Variants in AUTS2 observed in about 807,000 individuals in gnomAD.
AUTS2 encodes the protein activator of transcription and developmental regulator AUTS2, also known as autism susceptibility gene 2 protein.
Under a neutral mutation model 112.4 loss-of-function variants are expected in AUTS2, and 17 were observed. The observed-to-expected ratio is 0.15, with a 90% CI of 0.10 to 0.23. AUTS2 has a LOEUF of 0.23. Among genes scored for constraint, AUTS2 ranks in the 10% least tolerant of loss-of-function variants. AUTS2 has a pLI of 1.00. For synonymous variants in AUTS2, 751 were observed against 702.7 expected, an observed-to-expected ratio of 1.07 and a Z score of -1.09; for missense variants, 1,510 against 1,701.6, an observed-to-expected ratio of 0.89 and a Z score of 1.98.
In AUTS2 at chr7:70,287,182, A is replaced by G. The variant is rs185437939; in HGVS notation, c.661-148570A>G. ...TTCGCTGGATCTCTGTATCTCTTCA[A>G]CTGTGGTGAGTTTCATGGACAGGGT... On this transcript the variant is annotated intron_variant, in intron 4 of 18. Transcript: ENST00000342771. Among the ~76,000 whole-genome samples, 1,311 of 152,166 alleles carry G rather than the reference A, an allele frequency of 8.6e-3. 13 individuals carry two copies. Among genetic ancestry groups the G allele is most frequent in the Middle Eastern group, 0.027 (8 of 294 alleles).
chr7:69,658,481 A>G (rs898753482), intron 1 of AUTS2, among the ~76,000 whole-genome samples: 1 of 152,204 alleles, frequency 6.6e-6, no homozygotes, highest in Non-Finnish European at 1.5e-5. Context: ...CTAGACAATT[A>G]TATACTATTT....
intron 1 of AUTS2, among the ~76,000 whole-genome samples, chr7:69,784,336 A>G (rs901589887): frequency 2.6e-5 from 4 of 152,204 alleles, no homozygotes; most frequent in African/African-American, 4.8e-5. Flanking sequence ...ACTCAGCTAG[A>G]GGAGAGCCTC....
intron 4 of AUTS2, among the ~76,000 whole-genome samples, chr7:70,193,236 G>A (rs1468913643): frequency 6.6e-6 from 1 of 152,158 alleles, no homozygotes; most frequent in Admixed American, 6.5e-5. Flanking sequence ...GCCTTTCTTG[G>A]TAGTGGCATT....
chr7:70,033,172 G>A (rs1169907526), intron 2 of AUTS2, among the ~76,000 whole-genome samples: 1 of 152,096 alleles, frequency 6.6e-6, no homozygotes, highest in African/African-American at 2.4e-5. Context: ...TATTTTAAAT[G>A]GTTGAGTTGT....
rs182768933 is a variant in AUTS2 at position 70,364,626 on chromosome 7, A to G, written c.661-71126A>G. 9.4e-3 allele frequency among the ~76,000 whole-genome samples: 1,430 copies of G among 151,330 alleles called. 33 individuals are homozygous for G. The highest frequency in any genetic ancestry group is 0.032 in the African/African-American group (1,340 of 41,334). Reference sequence around the variant, plus strand: ...ATAAATAAATAAATAAAAATTAAAAAGGGCTCAAAAGTCCTTTTAAATAAG... The same window carrying G: ...ATAAATAAATAAATAAAAATTAAAAGGGGCTCAAAAGTCCTTTTAAATAAG... On this transcript the variant is annotated intron_variant, in intron 4 of 18. Coordinates refer to ENST00000342771, the MANE Select transcript of AUTS2 (RefSeq NM_015570.4).
rs142474585 is a variant in AUTS2 at position 70,333,807 on chromosome 7, G to A, written c.661-101945G>A. 3.3e-3 allele frequency among the ~76,000 whole-genome samples: 496 copies of A among 152,230 alleles called. 2 individuals are homozygous for A. The highest frequency in any genetic ancestry group is 5.8e-3 in the Non-Finnish European group (395 of 68,008). On this transcript the variant is annotated intron_variant, in intron 4 of 18. Coordinates refer to ENST00000342771, the MANE Select transcript of AUTS2 (RefSeq NM_015570.4). Reference sequence around the variant, plus strand: ...GAACATCACACACCAGGGCCTGTTGGGGGGTGGAGGGCTAGGGGAGGGATA... The same window carrying A: ...GAACATCACACACCAGGGCCTGTTGAGGGGTGGAGGGCTAGGGGAGGGATA...
At chr7:69,680,374 T>C (rs963888656) in intron 1 of AUTS2, among the ~76,000 whole-genome samples, 1 of 152,260 alleles carries the variant, frequency 6.6e-6, no homozygotes, top group Non-Finnish European at 1.5e-5. Flanking sequence ...AGATGAGTTG[T>C]CCCTAGGCCT....
At chr7:69,649,702 TA>T (rs1393308304) in intron 1 of AUTS2, among the ~76,000 whole-genome samples, 13 of 146,326 alleles carry the variant, frequency 8.9e-5, no homozygotes, top group South Asian at 8.7e-4. Context: ...ATACAAACAT[TA>T]AAAAAAAAAG....
At chr7:70,607,441 G>A (rs59600785) in intron 5 of AUTS2, among the ~76,000 whole-genome samples, 1 of 152,188 alleles carries the variant, frequency 6.6e-6, no homozygotes, top group Non-Finnish European at 1.5e-5. Context: ...TGAGGTCTCA[G>A]GTGTTGGAAA....
intron 1 of AUTS2, among the ~76,000 whole-genome samples, chr7:69,805,350 A>C (rs1450024157): frequency 6.6e-6 from 1 of 152,214 alleles, no homozygotes; most frequent in Admixed American, 6.5e-5. Context: ...TTTACGTTAG[A>C]CAAACTGCCA....
chr7:70,322,642 G>C lies in AUTS2; in HGVS notation c.661-113110G>C, dbSNP rs527660564. Among the ~76,000 whole-genome samples, 166 of 152,314 alleles carry C rather than the reference G, an allele frequency of 1.1e-3. 1 individual carries two copies. The highest frequency in any genetic ancestry group is 1.6e-3 in the Non-Finnish European group (107 of 68,024). ...TATTTAAAATGAGAATCGAGCAAGT[G>C]AAAGTGTGTCATAGTTTTTTGTTTG... On this transcript the variant is annotated intron_variant, in intron 4 of 18. Coordinates refer to ENST00000342771, the MANE Select transcript of AUTS2 (RefSeq NM_015570.4).
At chr7:70,497,760 A>G (rs996463738) in intron 5 of AUTS2, among the ~76,000 whole-genome samples, 35 of 152,128 alleles carry the variant, frequency 2.3e-4, no homozygotes, top group African/African-American at 8.0e-4. Context: ...TGTGTTATTA[A>G]TCCTATACTT....
intron 2 of AUTS2, among the ~76,000 whole-genome samples, chr7:69,926,299 C>T (rs2129543413): frequency 6.6e-6 from 1 of 152,104 alleles, no homozygotes; most frequent in Middle Eastern, 3.4e-3. Flanking sequence ...TTCCTATTGT[C>T]CTGTGCTATT....
intron 4 of AUTS2, among the ~76,000 whole-genome samples, chr7:70,411,131 C>T (rs1367949933): frequency 2.6e-5 from 4 of 152,062 alleles, no homozygotes; most frequent in Non-Finnish European, 5.9e-5. Flanking sequence ...TCCCAGAGTG[C>T]TGGGATTACA....
At chr7:70,587,232 C>G (rs1337863230) in intron 5 of AUTS2, among the ~76,000 whole-genome samples, 1 of 152,092 alleles carries the variant, frequency 6.6e-6, no homozygotes, top group Non-Finnish European at 1.5e-5. Context: ...AACATACCAC[C>G]ATGCGGGCTA....
chr7:69,651,184 G>C (rs1035979501), intron 1 of AUTS2, among the ~76,000 whole-genome samples: 2 of 152,168 alleles, frequency 1.3e-5, no homozygotes, highest in African/African-American at 4.8e-5. Flanking sequence ...TGTGAGGAAC[G>C]GGGTGTGAAA....
chr7:69,852,586 G>A (rs1470250664), intron 1 of AUTS2, among the ~76,000 whole-genome samples: 2 of 152,032 alleles, frequency 1.3e-5, no homozygotes, highest in Non-Finnish European at 2.9e-5. Context: ...CTGAGTAGCT[G>A]GGATTACAGG....
chr7:70,475,993 CA>C (rs1255381256), intron 5 of AUTS2, among the ~76,000 whole-genome samples: 10 of 152,078 alleles, frequency 6.6e-5, no homozygotes, highest in African/African-American at 2.4e-4. Flanking sequence ...CACACCACTG[CA>C]ATCCAGCCTG....
At chr7:69,656,342 C>G (rs1350056073) in intron 1 of AUTS2, among the ~76,000 whole-genome samples, 1 of 152,224 alleles carries the variant, frequency 6.6e-6, no homozygotes, top group African/African-American at 2.4e-5. Flanking sequence ...CACAGAGGCT[C>G]AGGTTCCTGA....
Sources: gnomAD v4.1 joint callset for allele counts (sites outside exome capture counted in the v4.1 genomes callset) on GRCh38, gnomAD v4.1.1 for gene constraint, MANE v1.5 for transcripts, NCBI Gene and HGNC (gene_info 2026-07-23, HGNC 2026-07-21) for gene names.